TSG101: variants seen among roughly 807,000 people sequenced by gnomAD.
TSG101 encodes tumor susceptibility 101.
TSG101 carries 19 observed loss-of-function variants against 48.5 expected under a neutral mutation model. The observed-to-expected ratio is 0.39, with a 90% CI of 0.27 to 0.58. The LOEUF (loss-of-function observed/expected upper bound fraction) is 0.58, where lower values mean the gene tolerates loss of function less well. Ranked by LOEUF, TSG101 falls within the 20% of genes least tolerant of loss-of-function variation. The pLI is 0.55. For synonymous variants in TSG101, 174 were observed against 169.4 expected, an observed-to-expected ratio of 1.03 and a Z score of -0.21; for missense variants, 365 against 484.4, an observed-to-expected ratio of 0.75 and a Z score of 2.31.
chr11:18,518,817 A>G (rs1444850333), intron 2 of TSG101, among the ~76,000 whole-genome samples: 1 of 152,142 alleles, frequency 6.6e-6, no homozygotes, highest in Non-Finnish European at 1.5e-5. Flanking sequence ...GCTCTGATAA[A>G]TCTTCATGCA....
At chr11:18,499,351 TATG>T (rs1184620785) in intron 7 of TSG101, among the ~76,000 whole-genome samples, 7 of 92,198 alleles carry the variant, frequency 7.6e-5, no homozygotes, top group East Asian at 8.2e-4. Flanking sequence ...TATATTTATA[TATG>T]TTTATATATA....
rs1850143476 is a variant in TSG101, at chr11:18,514,792, T to C, written c.243A>G (p.Pro81=). The change falls in exon 4 of 10, where the codon CCA becomes CCG. Residue 81 remains proline (P), a synonymous_variant. Transcript: ENST00000251968. The part of the protein sequence containing the change: ...PICLWLLDTY[P]YNPPICFVKP... ...TAACAAAACAGATAGGGGGATTATA[T>C]GGGTATGTGTCCAGTAGCCATAGGC... 2 of 1,596,444 alleles carry C rather than the reference T, an allele frequency of 1.3e-6. No individual in the cohort carries two copies. The highest frequency in any genetic ancestry group is 1.7e-6 in the Non-Finnish European group (2 of 1,174,492).
chr11:18,526,749 G>A, intron 1 of TSG101, 26 bp downstream of exon 1: 1 of 1,598,196 alleles, frequency 6.3e-7, no homozygotes, highest in Non-Finnish European at 8.5e-7. Flanking sequence ...GGCGCGCCCT[G>A]GGAGGCGAGC....
At chr11:18,523,147 C>T (rs892545209) in intron 1 of TSG101, among the ~76,000 whole-genome samples, 2 of 152,066 alleles carry the variant, frequency 1.3e-5, no homozygotes, top group Admixed American at 6.6e-5. Context: ...CTCTAGCTTC[C>T]GCCTCCCAAA....
chr11:18,516,022 T>C (rs562639966), intron 3 of TSG101, 77 bp downstream of exon 3: 1 of 1,294,744 alleles, frequency 7.7e-7, no homozygotes, highest in South Asian at 1.4e-5. Flanking sequence ...TAGGTTTAAT[T>C]TGGTTATAAC....
chr11:18,505,603 T>C (rs772724231), intron 6 of TSG101, among the ~76,000 whole-genome samples: 1 of 152,094 alleles, frequency 6.6e-6, no homozygotes, highest in Non-Finnish European at 1.5e-5. Context: ...ATTTAAAACA[T>C]GGGTTAGTAA....
At chr11:18,513,860 A>G (rs766763861) in intron 4 of TSG101, among the ~76,000 whole-genome samples, 9 of 152,122 alleles carry the variant, frequency 5.9e-5, no homozygotes, top group Admixed American at 5.9e-4. Flanking sequence ...GGATCACTTG[A>G]GGTCAGGAGT....
At chr11:18,489,617 T>C (rs1351945539) in intron 7 of TSG101, among the ~76,000 whole-genome samples, 1 of 152,210 alleles carries the variant, frequency 6.6e-6, no homozygotes, top group East Asian at 1.9e-4. Context: ...ATAAGCCAGT[T>C]ATCTGCCACA....
At chr11:18,491,301 G>A (rs1184398789) in intron 7 of TSG101, among the ~76,000 whole-genome samples, 1 of 152,098 alleles carries the variant, frequency 6.6e-6, no homozygotes, top group East Asian at 1.9e-4. Flanking sequence ...TTTATGGGGG[G>A]GTCTGGGCCA....
chr11:18,494,387 G>A (rs1312603301), intron 7 of TSG101, among the ~76,000 whole-genome samples: 1 of 152,160 alleles, frequency 6.6e-6, no homozygotes, highest in East Asian at 1.9e-4. Flanking sequence ...TATTATGTTA[G>A]AGGTATTCTA....
At chr11:18,499,402 A>ATATATATATATATATATATATTT in intron 7 of TSG101, among the ~76,000 whole-genome samples, 2 of 5,454 alleles carry the variant, frequency 3.7e-4, no homozygotes, top group African/African-American at 5.0e-4. Flanking sequence ...ATATATATAT[A>ATATATATATATATATATATATTT]TTTTTTTTTT....
intron 5 of TSG101, chr11:18,507,693 C>G (rs1180937380): frequency 6.6e-6 from 1 of 152,102 alleles, no homozygotes; most frequent in Non-Finnish European, 1.5e-5. Flanking sequence ...TTTAACATGA[C>G]TTACAGTGAC....
intron 4 of TSG101, among the ~76,000 whole-genome samples, chr11:18,512,621 T>C (rs577303935): frequency 2.2e-4 from 33 of 152,230 alleles, no homozygotes; most frequent in African/African-American, 7.9e-4. Flanking sequence ...TGTGAAAAAT[T>C]ATAGAGAGTC....
rs1004522104 is a variant in TSG101, at chr11:18,519,082, C to A, written c.127+437G>T. On this transcript the variant is annotated intron_variant, in intron 2 of 9. Coordinates refer to ENST00000251968, the MANE Select transcript of TSG101 (RefSeq NM_006292.4). ...GTGGCCCGATCTCGGCTCACTGCAA[C>A]CTCTGCCTCCTGGACTGCCTCCTGG... Among the ~76,000 whole-genome samples, 3 of 152,088 alleles carry A rather than the reference C, an allele frequency of 2.0e-5. No individual in the cohort carries two copies. In the East Asian group the frequency reaches 5.8e-4, roughly 29 times the overall value.
chr11:18,524,396 A>C lies in TSG101; in HGVS notation c.42+2379T>G, dbSNP rs528516070. Among the ~76,000 whole-genome samples the C allele has an allele frequency of 1.6e-4, 24 of 152,292 alleles. No homozygotes were observed. The South Asian group carries it at 2.3e-3, about 14-fold the overall frequency. ...ACCATGATGTGTGTGGAGAGCCTACAATCAGATAAAGAGAAAACAATAATG... is the reference window on the plus strand; with the variant it reads ...ACCATGATGTGTGTGGAGAGCCTACCATCAGATAAAGAGAAAACAATAATG... On this transcript the variant is annotated intron_variant, in intron 1 of 9. Transcript: ENST00000251968.
intron 7 of TSG101, among the ~76,000 whole-genome samples, chr11:18,495,365 C>T (rs758130251): frequency 6.6e-6 from 1 of 152,224 alleles, no homozygotes; most frequent in Admixed American, 6.5e-5. Flanking sequence ...AAATCAACTA[C>T]AATCATCTAT....
At chr11:18,509,008 G>C (rs2658567) in intron 5 of TSG101, among the ~76,000 whole-genome samples, 54,440 of 151,988 alleles carry the variant, frequency 0.36, 11,076 homozygotes, top group Non-Finnish European at 0.47. Flanking sequence ...CCAATTAGGG[G>C]AGAAGCAACA....
intron 1 of TSG101, among the ~76,000 whole-genome samples, chr11:18,521,955 G>C (rs1344580802): frequency 1.3e-5 from 2 of 152,114 alleles, no homozygotes; most frequent in Non-Finnish European, 2.9e-5. Context: ...TGGGATTACA[G>C]GCATGAGCCA....
intron 7 of TSG101, among the ~76,000 whole-genome samples, chr11:18,500,176 A>G (rs1321780597): frequency 6.6e-6 from 1 of 152,166 alleles, no homozygotes; most frequent in African/African-American, 2.4e-5. Context: ...TTTATGGCTG[A>G]ACAGTATTCC....
Sources: gnomAD v4.1 joint callset for allele counts (sites outside exome capture counted in the v4.1 genomes callset) on GRCh38, gnomAD v4.1.1 for gene constraint, MANE v1.5 for transcripts, NCBI Gene and HGNC (gene_info 2026-07-23, HGNC 2026-07-21) for gene names.